The following UNC13C variants were observed in gnomAD, a reference collection of about 807,000 sequenced individuals.
The protein encoded by UNC13C is protein unc-13 homolog C.
A neutral mutation model predicts 245.4 loss-of-function variants in UNC13C; 174 were observed. The ratio of observed to expected loss-of-function variants is 0.71; its 90% CI spans 0.63 to 0.80. The LOEUF is 0.80. Among genes scored for constraint, UNC13C ranks in the 30% least tolerant of loss-of-function variants. The probability of loss-of-function intolerance (pLI) is 0.00; values close to 1 mark genes in which losing one functional copy is unlikely to be tolerated. For synonymous variants in UNC13C, 992 were observed against 895.1 expected, an observed-to-expected ratio of 1.11 and a Z score of -1.93; for missense variants, 2,829 against 2,602.9, an observed-to-expected ratio of 1.09 and a Z score of -1.89.
At chr15:53,895,454 A>C in the UNC13C span, among the ~76,000 whole-genome samples, 3 of 151,982 alleles carry the variant, frequency 2.0e-5, no homozygotes, top group Non-Finnish European at 4.4e-5. Flanking sequence ...CTACTGCGTA[A>C]ATCTTAGAAG....
At chr15:54,089,996 G>A (rs1306626332) in intron 2 of UNC13C, among the ~76,000 whole-genome samples, 2 of 152,162 alleles carry the variant, frequency 1.3e-5, no homozygotes, top group South Asian at 2.1e-4. Context: ...ATTTTACTGG[G>A]AAGGACTCTG....
At chr15:54,587,123 T>A (rs1228712294) in intron 30 of UNC13C, among the ~76,000 whole-genome samples, 1 of 152,244 alleles carries the variant, frequency 6.6e-6, no homozygotes, top group Non-Finnish European at 1.5e-5. Flanking sequence ...TAATTAGGTT[T>A]CAACTTAGAT....
At chr15:53,965,988 C>G in the UNC13C span, among the ~76,000 whole-genome samples, 3 of 152,074 alleles carry the variant, frequency 2.0e-5, no homozygotes, top group Non-Finnish European at 4.4e-5. Context: ...TGGGTTGGTT[C>G]CAAGTCTTTG....
At chr15:53,903,952 A>G in the UNC13C span, among the ~76,000 whole-genome samples, 1 of 152,228 alleles carries the variant, frequency 6.6e-6, no homozygotes, top group South Asian at 2.1e-4. Context: ...AAAAGGAATT[A>G]TGATATGAAG....
chr15:54,340,007 T>C (rs958292939), intron 17 of UNC13C, among the ~76,000 whole-genome samples: 4 of 152,198 alleles, frequency 2.6e-5, no homozygotes, highest in Middle Eastern at 3.2e-3. Flanking sequence ...TGGTATTGCA[T>C]TGTGGTTTGG....
intron 17 of UNC13C, among the ~76,000 whole-genome samples, chr15:54,364,385 G>A (rs1596286383): frequency 6.6e-6 from 1 of 152,260 alleles, no homozygotes. Context: ...ACTCAGAGCT[G>A]CTATGAGAGG....
intron 2 of UNC13C, among the ~76,000 whole-genome samples, chr15:54,109,545 T>C (rs1272421824): frequency 6.6e-6 from 1 of 151,758 alleles, no homozygotes; most frequent in Non-Finnish European, 1.5e-5. Context: ...TTTTGCCAAG[T>C]TAGCAAGGCT....
intron 17 of UNC13C, among the ~76,000 whole-genome samples, chr15:54,386,138 G>C (rs986440218): frequency 1.3e-5 from 2 of 152,128 alleles, no homozygotes; most frequent in African/African-American, 4.8e-5. Flanking sequence ...CCAGGTCTTG[G>C]CATTGAGGCT....
At chr15:54,493,385 C>T (rs2141086061) in intron 19 of UNC13C, among the ~76,000 whole-genome samples, 1 of 152,102 alleles carries the variant, frequency 6.6e-6, no homozygotes, top group Admixed American at 6.5e-5. Flanking sequence ...TCCTGCCTCT[C>T]TCCCTCACTC....
At chr15:54,303,678 G>T (rs1377240626) in intron 13 of UNC13C, among the ~76,000 whole-genome samples, 1 of 150,674 alleles carries the variant, frequency 6.6e-6, no homozygotes, top group African/African-American at 2.4e-5. Context: ...CAAGGTTGAG[G>T]ACACGCTCCC....
chr15:54,381,133 G>T (rs1014513141), intron 17 of UNC13C, among the ~76,000 whole-genome samples: 6 of 152,028 alleles, frequency 3.9e-5, no homozygotes, highest in African/African-American at 1.4e-4. Flanking sequence ...GTTGGTTTTT[G>T]TGTCTGGTGT....
intron 1 of UNC13C, among the ~76,000 whole-genome samples, chr15:53,986,558 G>T (rs1487564784): frequency 6.6e-6 from 1 of 151,868 alleles, no homozygotes; most frequent in South Asian, 2.1e-4. Flanking sequence ...AAGTACAGAA[G>T]ATATGAAAAA....
At chr15:53,871,649 G>C in the UNC13C span, among the ~76,000 whole-genome samples, 3 of 152,260 alleles carry the variant, frequency 2.0e-5, no homozygotes, top group African/African-American at 7.2e-5. Context: ...AGGTGAGGAG[G>C]GGGCAGCAAA....
intron 19 of UNC13C, among the ~76,000 whole-genome samples, chr15:54,464,341 C>T (rs528760761): frequency 6.6e-6 from 1 of 152,182 alleles, no homozygotes; most frequent in Admixed American, 6.5e-5. Context: ...AATAAATCTT[C>T]CTGGAATAGA....
intron 2 of UNC13C, among the ~76,000 whole-genome samples, chr15:54,044,766 C>A (rs1436508996): frequency 6.6e-6 from 1 of 152,118 alleles, no homozygotes; most frequent in African/African-American, 2.4e-5. Context: ...TATAGTCAAG[C>A]AGATTAACAT....
At chr15:54,545,304 G>A (rs1896435066) in intron 26 of UNC13C, among the ~76,000 whole-genome samples, 1 of 152,142 alleles carries the variant, frequency 6.6e-6, no homozygotes, top group South Asian at 2.1e-4. Context: ...AACTCAAGGT[G>A]GACTAAAGAC....
chr15:53,911,289 C>T, the UNC13C span: 1 of 152,262 alleles, frequency 6.6e-6, no homozygotes, highest in Non-Finnish European at 1.5e-5. Context: ...CAGGATTTAG[C>T]AACAGCTGTC....
the UNC13C span, among the ~76,000 whole-genome samples, chr15:53,946,214 A>T: frequency 6.6e-6 from 1 of 152,078 alleles, no homozygotes. Context: ...TCATATTTGG[A>T]TGCCCTTTAT....
intron 4 of UNC13C, among the ~76,000 whole-genome samples, chr15:54,219,175 A>G (rs1353876752): frequency 1.3e-5 from 2 of 152,130 alleles, no homozygotes; most frequent in African/African-American, 4.8e-5. Context: ...AGCTGGAGGC[A>G]TCACGCTACC....
Sources: gnomAD v4.1 joint callset for allele counts (sites outside exome capture counted in the v4.1 genomes callset) on GRCh38, gnomAD v4.1.1 for gene constraint, MANE v1.5 for transcripts, NCBI Gene and HGNC (gene_info 2026-07-23, HGNC 2026-07-21) for gene names.